The following ADAR variants were observed in gnomAD, a reference collection of about 807,000 sequenced individuals.
The protein encoded by ADAR is double-stranded RNA-specific adenosine deaminase.
Under a neutral mutation model 113.2 loss-of-function variants are expected in ADAR, and 41 were observed. The ratio of observed to expected loss-of-function variants is 0.36; its 90% CI spans 0.28 to 0.47. The LOEUF is 0.47. Ranked by LOEUF, ADAR falls within the 20% of genes least tolerant of loss-of-function variation. ADAR has a pLI of 1.00. For missense variants in ADAR, 1,242 were observed against 1,540.9 expected, an observed-to-expected ratio of 0.81 and a Z score of 3.25; for synonymous variants, 605 against 572.6, an observed-to-expected ratio of 1.06 and a Z score of -0.81.
In ADAR at chr1:154,607,872, G is replaced by GACAC. The variant is rs71586026; in HGVS notation, c.15+116_15+119dup. On this transcript the variant is annotated intron_variant, in intron 1 of 14. Transcript: ENST00000368474. Reference sequence around the variant, plus strand: ...AACCAGCAATGCTGCTTGGCAAGACGACACACACACACACACTCTAACACT... The same window carrying GACAC: ...AACCAGCAATGCTGCTTGGCAAGACGACACACACACACACACACACTCTAACACT... 601 of 1,245,938 alleles carry GACAC rather than the reference G, an allele frequency of 4.8e-4. 1 individual carries two copies. Among genetic ancestry groups the GACAC allele is most frequent in the African/African-American group, 3.1e-3 (202 of 65,488 alleles). 77.2% of individuals were successfully genotyped at this position (1,245,938 alleles called of 1,614,324 possible).
intron 1 of ADAR, among the ~76,000 whole-genome samples, chr1:154,620,416 A>C (rs1000007129): frequency 6.6e-6 from 1 of 151,826 alleles, no homozygotes; most frequent in African/African-American, 2.4e-5. Flanking sequence ...AAAAAAAAAA[A>C]CAAACAATGG....
At chr1:154,603,313 C>G (rs909843318) in intron 1 of ADAR, among the ~76,000 whole-genome samples, 4 of 152,186 alleles carry the variant, frequency 2.6e-5, no homozygotes, top group Non-Finnish European at 5.9e-5. Flanking sequence ...TCACTGCCAT[C>G]CCAGGAGGAT....
intron 2 of ADAR, chr1:154,600,831 T>C: frequency 1.5e-6 from 1 of 673,296 alleles, no homozygotes; most frequent in Admixed American, 2.8e-5. Context: ...TCCCCCTTGT[T>C]CAGCCAAGAT....
intron 1 of ADAR, among the ~76,000 whole-genome samples, chr1:154,623,933 G>C (rs1308019427): frequency 6.6e-6 from 1 of 152,134 alleles, no homozygotes; most frequent in Non-Finnish European, 1.5e-5. Context: ...AACCTGGGAG[G>C]TGGAGGTTGC....
rs567012460 is a variant in ADAR, at chr1:154,619,623, G to C, written c.-871+8232C>G. 2.0e-5 allele frequency among the ~76,000 whole-genome samples: 3 copies of C among 152,060 alleles called. No homozygotes were observed. The East Asian group carries it at 5.8e-4, about 29-fold the overall frequency. On this transcript the variant is annotated intron_variant, in intron 1 of 14. Transcript: ENST00000368471. ...AAAATAAGAAGAGGAAGGTTAATAA[G>C]AACAACAACAAAAAAAACAAAACTA...
intron 11 of ADAR, among the ~76,000 whole-genome samples, chr1:154,587,541 T>C (rs1348123694): frequency 6.6e-6 from 1 of 152,150 alleles, no homozygotes; most frequent in Non-Finnish European, 1.5e-5. Context: ...CCATGGTAAC[T>C]GTGTCTATAC....
intron 8 of ADAR, 119 bp from the exon 9 acceptor site, chr1:154,589,581 A>C: frequency 8.4e-7 from 1 of 1,185,158 alleles, no homozygotes; most frequent in Non-Finnish European, 1.2e-6. Context: ...CAGATCCTAG[A>C]CTCCCATATT....
At chr1:154,617,206 C>G (rs4636449) in intron 1 of ADAR, among the ~76,000 whole-genome samples, 26,775 of 152,138 alleles carry the variant, frequency 0.18, 2,901 homozygotes, top group Non-Finnish European at 0.24. Context: ...ACTTTGATTT[C>G]CTAATATGGG....
chr1:154,627,914 A>AGCCTCCCCCCCCCCCCCCCCCC, exon 1 of ADAR: 1 of 463,306 alleles, frequency 2.2e-6, no homozygotes, highest in South Asian at 1.5e-5. Context: ...TGCGGCCGCG[A>AGCCTCCCCCCCCCCCCCCCCCC]CCCTCCCCCC....
At chr1:154,606,943 A>AT (rs575117624) in intron 1 of ADAR, among the ~76,000 whole-genome samples, 16 of 36,120 alleles carry the variant, frequency 4.4e-4, no homozygotes, top group African/African-American at 7.3e-4. Flanking sequence ...CTTAAAAAAA[A>AT]AAAAATATAT....
At chr1:154,623,405 C>G (rs768139202) in intron 1 of ADAR, among the ~76,000 whole-genome samples, 2 of 152,116 alleles carry the variant, frequency 1.3e-5, no homozygotes, top group African/African-American at 2.4e-5. Context: ...TTGGAAGGCT[C>G]TAGAAGGACC....
In ADAR at chr1:154,589,423, C is replaced by T; in HGVS notation, c.2708G>A (p.Gly903Glu). The T allele has an allele frequency of 6.2e-7, 1 of 1,614,130 alleles. No individual in the cohort carries two copies. The highest frequency in any genetic ancestry group is 2.2e-5 in the East Asian group (1 of 44,874). Residue 903 changes from glycine (G) to glutamate (E), a missense_variant, in exon 9 of 15, where the codon GGA becomes GAA. Transcript: ENST00000368474. Reference sequence around the variant, plus strand: ...TGCATGGCAGTCATTGACAGTTTCTCCTTTTAGGCTGAGAGAATCTCCTTT... The same window carrying T: ...TGCATGGCAGTCATTGACAGTTTCTTCTTTTAGGCTGAGAGAATCTCCTTT... ...CVKGDSLSLK[G>E]ETVNDCHAEI...
In ADAR at chr1:154,588,599, C is replaced by T. The variant is rs1696921872; in HGVS notation, c.2837G>A (p.Gly946Glu). ...AGTCTTTTTTATTTGGAGCTTTTCT[C>T]CTCCCTTAGCAGGTTCAAATATACT... ...KDSIFEPAKG[G>E]EKLQIKKTVS... The change falls in exon 10 of 15, where the codon GGA (glycine) becomes GAA (glutamate). Residue 946 changes from glycine to glutamate, a missense_variant. Coordinates refer to ENST00000368474, the MANE Select transcript of ADAR (RefSeq NM_001111.5). The T allele has an allele frequency of 1.2e-6, 2 of 1,614,144 alleles. No individual in the cohort carries two copies. The highest frequency in any genetic ancestry group is 1.3e-5 in the African/African-American group (1 of 75,036).
At chr1:154,594,018 C>T (rs1219532638) in intron 6 of ADAR, among the ~76,000 whole-genome samples, 1 of 151,992 alleles carries the variant, frequency 6.6e-6, no homozygotes, top group Non-Finnish European at 1.5e-5. Context: ...GAGTAGCTGG[C>T]ATACAGGGGC....
At chr1:154,610,906 T>C (rs949815212), upstream of ADAR, among the ~76,000 whole-genome samples, 6 of 151,602 alleles carry the variant, frequency 4.0e-5, no homozygotes, top group African/African-American at 1.5e-4. Flanking sequence ...AGAAATCTTT[T>C]GGGTACCGGT....
At chr1:154,590,930 C>T (rs1056431688) in intron 6 of ADAR, among the ~76,000 whole-genome samples, 24 of 151,850 alleles carry the variant, frequency 1.6e-4, no homozygotes, top group Admixed American at 1.2e-3. Flanking sequence ...CTCCAGCCTG[C>T]GCGAGACAGC....
chr1:154,590,139 G>GGC, intron 7 of ADAR, 45 bp downstream of exon 7: 1 of 1,429,860 alleles, frequency 7.0e-7, no homozygotes, highest in Non-Finnish European at 9.7e-7. Flanking sequence ...GGAGTTAGGA[G>GGC]GACCCCCCCG....
chr1:154,627,913 G>GGCCCTCCCCCCCCCCCC, exon 1 of ADAR: 3 of 517,144 alleles, frequency 5.8e-6, no homozygotes, highest in Non-Finnish European at 1.2e-5. Flanking sequence ...GTGCGGCCGC[G>GGCCCTCCCCCCCCCCCC]ACCCTCCCCC....
At chr1:154,598,321 C>G (rs1384857546) in intron 3 of ADAR, 81 bp downstream of exon 3, 1 of 1,474,202 alleles carries the variant, frequency 6.8e-7, no homozygotes. Flanking sequence ...GTTGTTTAGG[C>G]TGGGATTGCC....
Sources: allele counts gnomAD v4.1 joint callset (sites outside exome capture counted in the v4.1 genomes callset), GRCh38; gene constraint gnomAD v4.1.1; transcripts MANE v1.5; gene names NCBI Gene and HGNC (gene_info 2026-07-23, HGNC 2026-07-21).